ZNF536: variants seen among roughly 807,000 people sequenced by gnomAD.
ZNF536 encodes the protein zinc finger protein 536.
In ZNF536, 13 loss-of-function variants were observed where a neutral mutation model predicts 84.5. That is an observed-to-expected ratio of 0.15 (90% CI 0.10 to 0.24). The LOEUF is 0.24. ZNF536 is among the 10% of genes least tolerant of loss of function. The pLI, the probability that ZNF536 is intolerant of heterozygous loss-of-function variation, is 1.00. For synonymous variants in ZNF536, 811 were observed against 742.5 expected (o/e 1.09, Z -1.50); for missense variants, 1,536 against 1,747.5 (o/e 0.88, Z 2.16).
intron 2 of ZNF536, among the ~76,000 whole-genome samples, chr19:30,525,137 G>T (rs1465453480): frequency 6.6e-6 from 1 of 152,176 alleles, no homozygotes; most frequent in Non-Finnish European, 1.5e-5. Flanking sequence ...TTGTGGCCTT[G>T]CTGATTATAA....
At chr19:30,544,527 C>T (rs1279278732) in intron 3 of ZNF536, among the ~76,000 whole-genome samples, 1 of 152,136 alleles carries the variant, frequency 6.6e-6, no homozygotes, top group East Asian at 1.9e-4. Context: ...TGTGCACTCG[C>T]ATGCTGTGTG....
At chr19:30,320,628 G>T (rs2046822867) in intron 2 of ZNF536, among the ~76,000 whole-genome samples, 1 of 152,176 alleles carries the variant, frequency 6.6e-6, no homozygotes, top group Non-Finnish European at 1.5e-5. Flanking sequence ...CCGTCAGAGA[G>T]CCCTCTGGGA....
chr19:30,400,717 T>G (rs1190886638), intron 1 of ZNF536, among the ~76,000 whole-genome samples: 4 of 152,156 alleles, frequency 2.6e-5, no homozygotes, highest in Non-Finnish European at 5.9e-5. Context: ...AGGTGTGAGC[T>G]ACCATGCCTG....
In ZNF536 at chr19:30,583,665, C is replaced by G. The variant is rs528041050; in HGVS notation, c.169+34151C>G. 8.5e-5 allele frequency among the ~76,000 whole-genome samples: 13 copies of G among 152,260 alleles called. No individual in the cohort carries two copies. The East Asian group carries it at 2.1e-3, about 25-fold the overall frequency. Reference sequence around the variant, plus strand: ...AAAGCAGTGCTTTCTGTACATGGACCCTTGAAGGGGCTGTAGTCCTCATGA... The same window carrying G: ...AAAGCAGTGCTTTCTGTACATGGACGCTTGAAGGGGCTGTAGTCCTCATGA... On this transcript the variant is annotated intron_variant, in intron 1 of 1. Transcript: ENST00000592773.
chr19:30,301,661 CT>C (rs1568316090), intron 2 of ZNF536, among the ~76,000 whole-genome samples: 1 of 152,096 alleles, frequency 6.6e-6, no homozygotes, highest in Non-Finnish European at 1.5e-5. Flanking sequence ...ATAACCGAAT[CT>C]TTTGTCTAAT....
intron 1 of ZNF536, among the ~76,000 whole-genome samples, chr19:30,381,671 G>T (rs1484013853): frequency 2.0e-5 from 3 of 152,206 alleles, no homozygotes; most frequent in Non-Finnish European, 4.4e-5. Context: ...GCAGGCTGGG[G>T]CAAGGGGCTA....
chr19:30,572,555 A>G (rs1250163388), intron 1 of ZNF536, among the ~76,000 whole-genome samples: 6 of 152,228 alleles, frequency 3.9e-5, no homozygotes. Flanking sequence ...AGATGATTCC[A>G]TCATGGGGAA....
chr19:30,470,962 A>G (rs905580439), intron 2 of ZNF536, among the ~76,000 whole-genome samples: 31 of 150,452 alleles, frequency 2.1e-4, no homozygotes, highest in African/African-American at 7.6e-4. Flanking sequence ...TGCTGGGAGT[A>G]CAGGCATGAG....
intron 2 of ZNF536, among the ~76,000 whole-genome samples, chr19:30,452,832 C>G (rs962361945): frequency 6.6e-6 from 1 of 152,104 alleles, no homozygotes; most frequent in African/African-American, 2.4e-5. Context: ...TGTCTCACCT[C>G]CCTTCGTCTT....
At chr19:30,521,464 G>T (rs2044317353) in intron 2 of ZNF536, among the ~76,000 whole-genome samples, 1 of 152,216 alleles carries the variant, frequency 6.6e-6, no homozygotes, top group Non-Finnish European at 1.5e-5. Flanking sequence ...ACTTTGGGAA[G>T]TTCCCATTGA....
At chr19:30,596,730 G>A (rs560235943) in intron 1 of ZNF536, among the ~76,000 whole-genome samples, 7 of 152,138 alleles carry the variant, frequency 4.6e-5, no homozygotes, top group South Asian at 2.1e-4. Context: ...GTAGTCGGCC[G>A]TGCAATATTT....
chr19:30,289,721 C>A (rs1005526790), intron 2 of ZNF536, among the ~76,000 whole-genome samples: 1 of 152,182 alleles, frequency 6.6e-6, no homozygotes, highest in Non-Finnish European at 1.5e-5. Flanking sequence ...TCTCATATGA[C>A]CCCCAATGCC....
chr19:30,613,810 A>C (rs2048185939), intron 1 of ZNF536, among the ~76,000 whole-genome samples: 1 of 152,026 alleles, frequency 6.6e-6, no homozygotes. Context: ...ATTTTTAAGC[A>C]CAGATTGAAA....
At chr19:30,408,337 G>A (rs546478776) in intron 1 of ZNF536, among the ~76,000 whole-genome samples, 1 of 152,300 alleles carries the variant, frequency 6.6e-6, no homozygotes, top group African/African-American at 2.4e-5. Context: ...TTAAGCATTT[G>A]TCTGTACCAT....
At chr19:30,339,878 C>T (rs992320792) in intron 2 of ZNF536, among the ~76,000 whole-genome samples, 1 of 152,142 alleles carries the variant, frequency 6.6e-6, no homozygotes, top group Non-Finnish European at 1.5e-5. Context: ...AATCTCCAGC[C>T]CTAAATGTTC....
chr19:30,481,343 T>C (rs1469105560), intron 2 of ZNF536, among the ~76,000 whole-genome samples: 1 of 152,208 alleles, frequency 6.6e-6, no homozygotes, highest in African/African-American at 2.4e-5. Context: ...GGAGTCACAC[T>C]GGTTTTTCTG....
chr19:30,600,642 G>A (rs967284614), intron 1 of ZNF536, among the ~76,000 whole-genome samples: 28 of 152,212 alleles, frequency 1.8e-4, no homozygotes, highest in African/African-American at 6.0e-4. Context: ...CAGCAAACTG[G>A]CGCCCCGGAG....
chr19:30,623,111 C>T (rs1323533877), intron 1 of ZNF536, among the ~76,000 whole-genome samples: 1 of 142,476 alleles, frequency 7.0e-6, no homozygotes, highest in Admixed American at 7.3e-5. Flanking sequence ...CAATTGGTGT[C>T]ATTCTTGACC....
chr19:30,451,562 A>C (rs556833789), intron 2 of ZNF536, among the ~76,000 whole-genome samples: 2 of 152,306 alleles, frequency 1.3e-5, no homozygotes, highest in African/African-American at 4.8e-5. Context: ...CAGGCTCTGA[A>C]AGTCTTCAGA....
Sources: gnomAD v4.1 joint callset for allele counts (sites outside exome capture counted in the v4.1 genomes callset) on GRCh38, gnomAD v4.1.1 for gene constraint, MANE v1.5 for transcripts, NCBI Gene and HGNC (gene_info 2026-07-23, HGNC 2026-07-21) for gene names.